The following KCTD8 variants were observed in gnomAD, a reference collection of about 807,000 sequenced individuals.
The protein encoded by KCTD8 is potassium channel tetramerization domain containing 8, also known as BTB/POZ domain-containing protein KCTD8.
A neutral mutation model predicts 31.5 loss-of-function variants in KCTD8; 27 were observed. That is an observed-to-expected ratio of 0.86 (90% CI 0.63 to 1.18). The LOEUF is 1.18. Ranked by LOEUF, KCTD8 falls within the 50% of genes most tolerant of loss-of-function variation. The probability of loss-of-function intolerance (pLI) is 0.00; values close to 1 mark genes in which losing one functional copy is unlikely to be tolerated. For missense variants in KCTD8, 658 were observed against 647.7 expected (o/e 1.02, Z -0.17); for synonymous variants, 290 against 280.0 (o/e 1.04, Z -0.36).
At chr4:44,357,321 TC>T (rs1487345031) in intron 1 of KCTD8, among the ~76,000 whole-genome samples, 2 of 152,198 alleles carry the variant, frequency 1.3e-5, no homozygotes, top group East Asian at 3.9e-4. Flanking sequence ...TCTCCTTTTC[TC>T]CCTTCTCTTC....
intron 1 of KCTD8, among the ~76,000 whole-genome samples, chr4:44,317,487 C>T (rs1718171155): frequency 1.4e-5 from 2 of 140,648 alleles, no homozygotes; most frequent in Non-Finnish European, 2.9e-5. Flanking sequence ...GATCCACCCG[C>T]CTCGGCCTCC....
intron 1 of KCTD8, among the ~76,000 whole-genome samples, chr4:44,344,362 T>A (rs970381036): frequency 6.6e-6 from 1 of 152,200 alleles, no homozygotes; most frequent in South Asian, 2.1e-4. Flanking sequence ...TGTTTTCATT[T>A]TTTTGTAGAA....
At chr4:44,416,377 T>G (rs543713185) in intron 1 of KCTD8, among the ~76,000 whole-genome samples, 1 of 152,278 alleles carries the variant, frequency 6.6e-6, no homozygotes, top group East Asian at 1.9e-4. Flanking sequence ...TAGGGGACTA[T>G]TAAGGGATTA....
chr4:44,418,228 A>T (rs2109468930), intron 1 of KCTD8, among the ~76,000 whole-genome samples: 1 of 152,222 alleles, frequency 6.6e-6, no homozygotes. Context: ...TAATTATGAG[A>T]GGGTAACATG....
At chr4:44,192,895 T>C (rs975468239) in intron 1 of KCTD8, among the ~76,000 whole-genome samples, 1 of 152,194 alleles carries the variant, frequency 6.6e-6, no homozygotes, top group East Asian at 1.9e-4. Flanking sequence ...CCATGCTGGA[T>C]TGGATGCTTC....
At chr4:44,409,893 G>C (rs17461134) in intron 1 of KCTD8, among the ~76,000 whole-genome samples, 2 of 151,402 alleles carry the variant, frequency 1.3e-5, no homozygotes, top group African/African-American at 4.9e-5. Context: ...CAGACAATAG[G>C]AGAAAACACA....
intron 1 of KCTD8, among the ~76,000 whole-genome samples, chr4:44,425,880 C>T (rs1721333064): frequency 3.3e-5 from 5 of 151,870 alleles, no homozygotes; most frequent in Admixed American, 3.3e-4. Flanking sequence ...CCAGCTAGTG[C>T]ATCTCCTGGA....
At chr4:44,196,384 A>G (rs1713941820) in intron 1 of KCTD8, among the ~76,000 whole-genome samples, 1 of 152,232 alleles carries the variant, frequency 6.6e-6, no homozygotes, top group African/African-American at 2.4e-5. Flanking sequence ...CACGATATGC[A>G]AGGGAATACA....
chr4:44,253,635 A>G (rs552395796), intron 1 of KCTD8, among the ~76,000 whole-genome samples: 1 of 151,852 alleles, frequency 6.6e-6, no homozygotes, highest in East Asian at 1.9e-4. Context: ...ATGGATATAG[A>G]GAGATCCCAG....
At chr4:44,313,805 C>T (rs768427869) in intron 1 of KCTD8, among the ~76,000 whole-genome samples, 6 of 152,124 alleles carry the variant, frequency 3.9e-5, no homozygotes, top group Non-Finnish European at 8.8e-5. Context: ...GGAAGAATGT[C>T]TTAATTGTTA....
chr4:44,409,094 T>G (rs903055796), intron 1 of KCTD8, among the ~76,000 whole-genome samples: 11 of 151,588 alleles, frequency 7.3e-5, no homozygotes, highest in African/African-American at 2.7e-4. Context: ...AAATCCAAAA[T>G]TAGCAGGGAG....
At chr4:44,313,940 C>T (rs1718026602) in intron 1 of KCTD8, among the ~76,000 whole-genome samples, 1 of 152,092 alleles carries the variant, frequency 6.6e-6, no homozygotes, top group African/African-American at 2.4e-5. Flanking sequence ...ACAGGCTGTG[C>T]AAAGAACAGA....
intron 1 of KCTD8, among the ~76,000 whole-genome samples, chr4:44,392,921 G>A (rs1720408490): frequency 6.6e-6 from 1 of 151,966 alleles, no homozygotes; most frequent in Non-Finnish European, 1.5e-5. Flanking sequence ...ATATTCATGA[G>A]ATAAACCTAA....
intron 1 of KCTD8, among the ~76,000 whole-genome samples, chr4:44,444,711 G>A (rs1288253447): frequency 1.3e-5 from 2 of 148,692 alleles, no homozygotes; most frequent in East Asian, 2.0e-4. Flanking sequence ...CACACAGTTG[G>A]AAAATAACAG....
At chr4:44,382,644 C>G (rs574260935) in intron 1 of KCTD8, among the ~76,000 whole-genome samples, 1 of 151,530 alleles carries the variant, frequency 6.6e-6, no homozygotes, top group African/African-American at 2.4e-5. Context: ...GCAGAAGAAT[C>G]GTTTGAACTC....
At chr4:44,238,016 C>G (rs1251791775) in intron 1 of KCTD8, among the ~76,000 whole-genome samples, 1 of 152,188 alleles carries the variant, frequency 6.6e-6, no homozygotes, top group African/African-American at 2.4e-5. Context: ...TATTTCACTG[C>G]TCTCAGGATG....
At chr4:44,345,385 G>C (rs1719011260) in intron 1 of KCTD8, among the ~76,000 whole-genome samples, 1 of 152,022 alleles carries the variant, frequency 6.6e-6, no homozygotes, top group Non-Finnish European at 1.5e-5. Context: ...CCCAAAAATG[G>C]TTTCAAAAGT....
At chr4:44,282,364 C>T (rs1716926146) in intron 1 of KCTD8, among the ~76,000 whole-genome samples, 1 of 152,088 alleles carries the variant, frequency 6.6e-6, no homozygotes, top group African/African-American at 2.4e-5. Context: ...CCACACCCAT[C>T]AAAGATGATA....
At chr4:44,253,052 C>T (rs1715889498) in intron 1 of KCTD8, among the ~76,000 whole-genome samples, 1 of 151,652 alleles carries the variant, frequency 6.6e-6, no homozygotes, top group African/African-American at 2.4e-5. Flanking sequence ...ATCAAAGTTC[C>T]ATACATATTG....
Sources: allele counts gnomAD v4.1 joint callset (sites outside exome capture counted in the v4.1 genomes callset), GRCh38; gene constraint gnomAD v4.1.1; transcripts MANE v1.5; gene names NCBI Gene and HGNC (gene_info 2026-07-23, HGNC 2026-07-21).